PALM: variants seen among roughly 807,000 people sequenced by gnomAD.
The protein encoded by PALM is paralemmin-1.
In PALM, 18 loss-of-function variants were observed where a neutral mutation model predicts 30.7. The ratio of observed to expected loss-of-function variants is 0.59; its 90% CI spans 0.41 to 0.87. The LOEUF (loss-of-function observed/expected upper bound fraction) is 0.87, where lower values mean the gene tolerates loss of function less well. Among genes scored for constraint, PALM ranks in the 40% least tolerant of loss-of-function variants. The pLI is 0.00. For missense variants in PALM, 529 were observed against 555.4 expected (o/e 0.95, Z 0.48); for synonymous variants, 286 against 242.8 (o/e 1.18, Z -1.66).
chr19:745,422 G>A (rs60761679), intron 8 of PALM, among the ~76,000 whole-genome samples: 3,606 of 152,234 alleles, frequency 0.024, 139 homozygotes, highest in African/African-American at 0.083. Flanking sequence ...GGCCAGGTGC[G>A]GTGGCTCACG....
At chr19:739,087 G>A (rs2033109978) in intron 7 of PALM, among the ~76,000 whole-genome samples, 1 of 152,180 alleles carries the variant, frequency 6.6e-6, no homozygotes, top group South Asian at 2.1e-4. Context: ...GCAGCCACCA[G>A]TCGCTGTTAG....
At chr19:734,218 T>C in intron 6 of PALM, 24 bp downstream of exon 6, 1 of 1,612,100 alleles carries the variant, frequency 6.2e-7, no homozygotes, top group Non-Finnish European at 8.5e-7. Flanking sequence ...AAGGAACTCG[T>C]GGGGCCTCGG....
chr19:718,671 C>G (rs1416899397), intron 1 of PALM, among the ~76,000 whole-genome samples: 1 of 152,112 alleles, frequency 6.6e-6, no homozygotes, highest in African/African-American at 2.4e-5. Flanking sequence ...TCTCGGTGCC[C>G]CAGAGACTGG....
rs2033219271 is a variant in PALM, at chr19:742,386, C to A, written c.634+1903C>A. On this transcript the variant is annotated intron_variant, in intron 8 of 8. Transcript: ENST00000338448. This position sits in a 1 kb window ranked among gnomAD's most constrained non-coding sequence, Gnocchi z 5.5. ...TTGGGAGGCCGAGGCGGGTGGATCA[C>A]CTGAGGTCAGGAGTTCGAGACCAGC... Among the ~76,000 whole-genome samples the A allele has an allele frequency of 6.6e-6, 1 of 152,116 alleles. No homozygotes were observed. Among genetic ancestry groups the A allele is most frequent in the African/African-American group, 2.4e-5 (1 of 41,436 alleles).
At chr19:715,791 C>T (rs754094133) in intron 1 of PALM, among the ~76,000 whole-genome samples, 14 of 152,118 alleles carry the variant, frequency 9.2e-5, no homozygotes, top group Non-Finnish European at 1.8e-4. Context: ...AGAGAAATGG[C>T]AGAGCCAGAG....
intron 1 of PALM, chr19:719,324 G>A (rs868254581): frequency 8.1e-6 from 8 of 985,300 alleles, no homozygotes; most frequent in Non-Finnish European, 8.4e-6. Context: ...CGGGGCTCCC[G>A]TCGGGTTTGG....
At chr19:741,670 C>G (rs1209101401) in intron 8 of PALM, among the ~76,000 whole-genome samples, 1 of 151,930 alleles carries the variant, frequency 6.6e-6, no homozygotes, top group Non-Finnish European at 1.5e-5. Context: ...GGGCCGTGTC[C>G]TGAGGGCTTT....
Position 736,096 on chromosome 19 carries a change from C to T in PALM, c.502+18C>T. 3 of 1,592,210 alleles carry T rather than the reference C, an allele frequency of 1.9e-6. No homozygotes were observed. Among genetic ancestry groups the T allele is most frequent in the Non-Finnish European group, 1.7e-6 (2 of 1,165,538 alleles). On this transcript the variant is annotated intron_variant, in intron 7 of 8. Coordinates refer to ENST00000338448, the MANE Select transcript of PALM (RefSeq NM_002579.3). ...GAAGGCAGGTGGGTTGGCCCCCAGGCTCTGGGCCCCAGATCCAGCCGCTGT... is the reference window on the plus strand; with the variant it reads ...GAAGGCAGGTGGGTTGGCCCCCAGGTTCTGGGCCCCAGATCCAGCCGCTGT...
rs770849795 is a variant in PALM at position 727,637 on chromosome 19, G to A, written c.212G>A (p.Arg71Lys). 2 of 1,573,912 alleles carry A rather than the reference G, an allele frequency of 1.3e-6. No homozygotes were observed. The highest frequency in any genetic ancestry group is 1.3e-5 in the African/African-American group (1 of 74,372). Residue 71 changes from arginine to lysine, a missense_variant, in exon 4 of 9, where the codon AGG (arginine) becomes AAG (lysine). By Grantham distance (26) the Arg-to-Lys change is conservative. Coordinates refer to ENST00000338448, the MANE Select transcript of PALM (RefSeq NM_002579.3). ...SSASEGDEDL[R>K]RQMQDDEQKT... The stretch of plus-strand genomic sequence containing the variant: ...GCCTCAGAGGGGGATGAGGACCTGA[G>A]GAGGCAGATGCAGGACGACGAGCAG...
intron 7 of PALM, among the ~76,000 whole-genome samples, chr19:737,909 G>A (rs2033070407): frequency 1.3e-5 from 2 of 152,200 alleles, no homozygotes; most frequent in South Asian, 4.1e-4. Flanking sequence ...GCAAAGCCGG[G>A]ACTGCCCCGA....
chr19:720,848 C>T (rs1447155942), intron 1 of PALM, among the ~76,000 whole-genome samples: 2 of 152,330 alleles, frequency 1.3e-5, no homozygotes, highest in East Asian at 1.9e-4. Context: ...ACCTGCCTGC[C>T]GGGTGGGGAC....
intron 1 of PALM, chr19:719,493 G>A (rs1337853824): frequency 1.0e-6 from 1 of 985,250 alleles, no homozygotes; most frequent in East Asian, 1.1e-4. Flanking sequence ...GGGGCGTGGC[G>A]CTCCAGGGGC....
intron 1 of PALM, chr19:719,558 A>C: frequency 2.0e-6 from 2 of 985,178 alleles, no homozygotes; most frequent in South Asian, 9.4e-5. Flanking sequence ...CTGCCCCGGG[A>C]CCCCCAGCAC....
At position 746,361 on chromosome 19, in the gene PALM, C is replaced by G. The variant is rs745592931; in HGVS notation, c.711C>G (p.His237Gln). The change falls in exon 9 of 9, where the codon CAC becomes CAG. Residue 237 changes from histidine to glutamine, a missense_variant. Coordinates refer to ENST00000338448, the MANE Select transcript of PALM (RefSeq NM_002579.3). The surrounding 1 kb of genome is among the most constrained non-coding windows in gnomAD (Gnocchi z 7.1). ...LSSSEVDELI[H>Q]KADEVTLSEA... ...CCTCCGAGGTGGACGAACTCATCCA[C>G]AAAGCGGACGAGGTCACGCTGAGCG... is the stretch of plus-strand genomic sequence containing the variant. 3.7e-6 allele frequency: 6 copies of G among 1,613,588 alleles called. No homozygotes were observed. Among genetic ancestry groups the G allele is most frequent in the Non-Finnish European group, 5.1e-6 (6 of 1,179,876 alleles).
At chr19:744,627 C>G (rs2033284326) in intron 8 of PALM, among the ~76,000 whole-genome samples, 1 of 152,108 alleles carries the variant, frequency 6.6e-6, no homozygotes, top group Admixed American at 6.6e-5. Context: ...GGCATGGTGG[C>G]TCACACCTGT....
chr19:737,756 G>A lies in PALM; in HGVS notation c.502+1678G>A, dbSNP rs945272485. ...CCTGGGGTGTTGGAGGAACGGCCAGGAGATCCGTGTGGCTGGAGCAGCGTG... is the reference window on the plus strand; with the variant it reads ...CCTGGGGTGTTGGAGGAACGGCCAGAAGATCCGTGTGGCTGGAGCAGCGTG... On this transcript the variant is annotated intron_variant, in intron 7 of 8. Coordinates refer to ENST00000338448, the MANE Select transcript of PALM (RefSeq NM_002579.3). Among the ~76,000 whole-genome samples the A allele has an allele frequency of 3.3e-5, 5 of 152,184 alleles. No homozygotes were observed. In the East Asian group the frequency reaches 5.8e-4, roughly 18 times the overall value.
chr19:710,375 C>T (rs1568216086), intron 1 of PALM, among the ~76,000 whole-genome samples: 1 of 152,108 alleles, frequency 6.6e-6, no homozygotes, highest in Non-Finnish European at 1.5e-5. Context: ...CAGCCAGGGG[C>T]TCAGGGGAGC....
At chr19:743,534 G>A (rs2033251455) in intron 8 of PALM, among the ~76,000 whole-genome samples, 1 of 152,208 alleles carries the variant, frequency 6.6e-6, no homozygotes, top group Non-Finnish European at 1.5e-5. Context: ...CTTGAAGCAT[G>A]GACTCCCCTC....
rs568170443 is a variant in PALM at position 714,330 on chromosome 19, G to A, written c.5+5179G>A. 3.0e-3 allele frequency among the ~76,000 whole-genome samples: 446 copies of A among 148,770 alleles called. 2 individuals carry two copies. The highest frequency in any genetic ancestry group is 0.01 in the African/African-American group (419 of 40,274). On this transcript the variant is annotated intron_variant, in intron 1 of 8. Coordinates refer to ENST00000338448, the MANE Select transcript of PALM (RefSeq NM_002579.3). ...GCTGGGATTACACGCATGAGCCACC[G>A]CGCCCAGCCTACGTTCTTTTTTTCT...
Sources: allele counts gnomAD v4.1 joint callset (sites outside exome capture counted in the v4.1 genomes callset), GRCh38; gene constraint gnomAD v4.1.1; non-coding constraint Gnocchi (gnomAD v3.1); transcripts MANE v1.5; gene names NCBI Gene and HGNC (gene_info 2026-07-23, HGNC 2026-07-21).